PROS1: variants seen among roughly 807,000 people sequenced by gnomAD.
PROS1 encodes vitamin K-dependent protein S.
A neutral mutation model predicts 75.9 loss-of-function variants in PROS1; 29 were observed. The ratio of observed to expected loss-of-function variants is 0.38; its 90% CI spans 0.28 to 0.52. The LOEUF (loss-of-function observed/expected upper bound fraction) is 0.52. Ranked by LOEUF, PROS1 falls within the 20% of genes least tolerant of loss-of-function variation. The probability of loss-of-function intolerance (pLI) is 0.83; values close to 1 mark genes in which losing one functional copy is unlikely to be tolerated. For missense variants in PROS1, 680 were observed against 810.3 expected, an observed-to-expected ratio of 0.84 and a Z score of 1.95; for synonymous variants, 245 against 280.6, an observed-to-expected ratio of 0.87 and a Z score of 1.27.
intron 1 of PROS1, among the ~76,000 whole-genome samples, chr3:93,927,706 A>G (rs1481061195): frequency 1.3e-5 from 2 of 151,546 alleles, no homozygotes; most frequent in African/African-American, 4.9e-5. Context: ...ACTACATCAG[A>G]GAAAACATGC....
In PROS1 at chr3:93,910,140, G is replaced by C. The variant is rs200120858; in HGVS notation, c.346+479C>G. Among the ~76,000 whole-genome samples, 4 of 152,270 alleles carry C rather than the reference G, an allele frequency of 2.6e-5. No individual in the cohort carries two copies. The East Asian group carries it at 7.7e-4, about 29-fold the overall frequency. The stretch of plus-strand genomic sequence containing the variant: ...TAATTTACCAATTTACCAAAAAAGA[G>C]TCAAAAATAATGTACCAGAATTATC... On this transcript the variant is annotated intron_variant, in intron 4 of 14. Coordinates refer to ENST00000394236, the MANE Select transcript of PROS1 (RefSeq NM_000313.4).
At chr3:93,949,631 A>C (rs1435984916) in intron 1 of PROS1, among the ~76,000 whole-genome samples, 1 of 152,204 alleles carries the variant, frequency 6.6e-6, no homozygotes, top group East Asian at 1.9e-4. Context: ...TAAAAAAATA[A>C]ACTAACAACA....
At chr3:93,928,209 T>C (rs982394900) in intron 1 of PROS1, among the ~76,000 whole-genome samples, 16 of 149,970 alleles carry the variant, frequency 1.1e-4, no homozygotes, top group Non-Finnish European at 1.6e-4. Flanking sequence ...TATGCACTTA[T>C]AGTCCTTGCT....
chr3:93,898,402 T>C (rs775917436), intron 8 of PROS1, 46 bp downstream of exon 8: 3 of 1,605,754 alleles, frequency 1.9e-6, no homozygotes, highest in South Asian at 2.2e-5. Flanking sequence ...CTAGGATCTC[T>C]CATTTTAGAA....
intron 1 of PROS1, among the ~76,000 whole-genome samples, chr3:93,965,714 T>G (rs1293804486): frequency 6.6e-6 from 1 of 152,130 alleles, no homozygotes; most frequent in African/African-American, 2.4e-5. Context: ...TTTTTATTTT[T>G]TATAGAGTCT....
chr3:93,931,024 A>G (rs1709097593), intron 1 of PROS1, among the ~76,000 whole-genome samples: 1 of 152,262 alleles, frequency 6.6e-6, no homozygotes, highest in Admixed American at 6.5e-5. Context: ...TATTTGCACT[A>G]AATTTGGATT....
At chr3:93,919,476 A>G (rs1708912602) in intron 3 of PROS1, among the ~76,000 whole-genome samples, 1 of 151,712 alleles carries the variant, frequency 6.6e-6, no homozygotes, top group Non-Finnish European at 1.5e-5. Context: ...GCGGATTTGA[A>G]AAAAAATAAA....
rs764951889 is a variant in PROS1, at chr3:93,886,513, A to G, written c.1156-10T>C. ...ATTCTTCCACAGACACCTACAATTA[A>G]AAAGAAAAATTACCAAATAACCAAG... On this transcript the variant is annotated splice_polypyrimidine_tract_variant and intron_variant, in intron 10 of 14. Coordinates refer to ENST00000394236, the MANE Select transcript of PROS1 (RefSeq NM_000313.4). 4.4e-6 allele frequency: 7 copies of G among 1,592,362 alleles called. No individual in the cohort carries two copies. Among genetic ancestry groups the G allele is most frequent in the Non-Finnish European group, 6.0e-6 (7 of 1,160,658 alleles).
intron 1 of PROS1, among the ~76,000 whole-genome samples, chr3:93,931,438 T>C (rs1404015652): frequency 5.9e-5 from 9 of 152,256 alleles, no homozygotes; most frequent in Non-Finnish European, 1.0e-4. Flanking sequence ...AATTAACATA[T>C]GATGTACGAT....
In PROS1 at chr3:93,942,325, C is replaced by T. The variant is rs144336333; in HGVS notation, c.77-14918G>A. On this transcript the variant is annotated intron_variant, in intron 1 of 14. Transcript: ENST00000394236. ...AATATTCCGTCCATATCCTGCACTA[C>T]CATGCTGTTATATGGGCAGAAAGAG... is the stretch of plus-strand genomic sequence containing the variant. 1.5e-3 allele frequency among the ~76,000 whole-genome samples: 235 copies of T among 152,292 alleles called. 3 individuals carry two copies. Among genetic ancestry groups the T allele is most frequent in the African/African-American group, 5.2e-3 (215 of 41,556 alleles).
At chr3:93,957,675 C>T (rs1709625885) in intron 1 of PROS1, among the ~76,000 whole-genome samples, 2 of 152,160 alleles carry the variant, frequency 1.3e-5, no homozygotes, top group South Asian at 4.1e-4. Flanking sequence ...ACCCTATAAA[C>T]ATGGTTGTCC....
chr3:93,961,223 A>T (rs910633738), intron 1 of PROS1, among the ~76,000 whole-genome samples: 1 of 152,172 alleles, frequency 6.6e-6, no homozygotes, highest in Non-Finnish European at 1.5e-5. Context: ...GGGACAGAGA[A>T]TGGTCCATTT....
intron 4 of PROS1, among the ~76,000 whole-genome samples, chr3:93,906,932 C>A (rs1242694559): frequency 6.6e-6 from 1 of 152,208 alleles, no homozygotes; most frequent in Non-Finnish European, 1.5e-5. Flanking sequence ...CTCCAACAAG[C>A]ATGGGAAGGG....
chr3:93,917,598 T>G (rs1708876430), intron 3 of PROS1, among the ~76,000 whole-genome samples: 1 of 152,128 alleles, frequency 6.6e-6, no homozygotes, highest in African/African-American at 2.4e-5. Context: ...TCCCTCAGCT[T>G]GCAGGGAGGT....
chr3:93,948,575 T>C (rs1454426598), intron 1 of PROS1, among the ~76,000 whole-genome samples: 4 of 152,216 alleles, frequency 2.6e-5, no homozygotes, highest in Non-Finnish European at 4.4e-5. Flanking sequence ...AAACATATGA[T>C]GTAATTTCAC....
intron 12 of PROS1, among the ~76,000 whole-genome samples, chr3:93,882,998 G>A (rs184286828): frequency 4.6e-5 from 7 of 152,288 alleles, no homozygotes; most frequent in Admixed American, 1.3e-4. Context: ...TCATGCAGAA[G>A]GAGCAAGAAA....
intron 1 of PROS1, among the ~76,000 whole-genome samples, chr3:93,953,990 A>C (rs1709555517): frequency 6.6e-6 from 1 of 152,214 alleles, no homozygotes; most frequent in South Asian, 2.1e-4. Flanking sequence ...CAAAGAGAAT[A>C]AAATACCTGG....
intron 1 of PROS1, among the ~76,000 whole-genome samples, chr3:93,960,732 C>T (rs1167305629): frequency 6.6e-6 from 1 of 151,656 alleles, no homozygotes; most frequent in Non-Finnish European, 1.5e-5. Flanking sequence ...AATGTGTTAT[C>T]ACTTCATAGA....
chr3:93,965,663 G>A (rs1343749516), intron 1 of PROS1, among the ~76,000 whole-genome samples: 1 of 152,044 alleles, frequency 6.6e-6, no homozygotes, highest in Non-Finnish European at 1.5e-5. Context: ...TGTGAGCAAG[G>A]ACCCCCCGGT....
Sources: gnomAD v4.1 joint callset for allele counts (sites outside exome capture counted in the v4.1 genomes callset) on GRCh38, gnomAD v4.1.1 for gene constraint, MANE v1.5 for transcripts, NCBI Gene and HGNC (gene_info 2026-07-23, HGNC 2026-07-21) for gene names.